The following HEBP2 variants were observed in gnomAD, a reference collection of about 807,000 sequenced individuals.
HEBP2 encodes the protein heme-binding protein 2.
Under a neutral mutation model 23.1 loss-of-function variants are expected in HEBP2, and 27 were observed. The observed-to-expected ratio is 1.17, with a 90% CI of 0.86 to 1.61. HEBP2 has a LOEUF of 1.61. Ranked by LOEUF, HEBP2 falls within the 40% of genes most tolerant of loss-of-function variation. The pLI is 0.00. For synonymous variants in HEBP2, 99 were observed against 95.1 expected (o/e 1.04, Z -0.24); for missense variants, 245 against 253.8 (o/e 0.97, Z 0.24).
At chr6:138,410,442 A>G (rs867242542) in intron 3 of HEBP2, among the ~76,000 whole-genome samples, 1 of 152,106 alleles carries the variant, frequency 6.6e-6, no homozygotes, top group East Asian at 1.9e-4. Context: ...TTCATCAAGG[A>G]AATAAATAAT....
In HEBP2 at chr6:138,404,339, T is replaced by A. The variant is rs1025482558; in HGVS notation, c.-157T>A. 2.6e-6 allele frequency: 1 copy of A among 391,920 alleles called. No homozygotes were observed. 24.3% of individuals were successfully genotyped at this position (391,920 alleles called of 1,614,324 possible). On this transcript the variant is annotated 5_prime_UTR_variant, in exon 1 of 4. Coordinates refer to ENST00000607197, the MANE Select transcript of HEBP2 (RefSeq NM_014320.3). ...CCCTCGCGGTCCAGAGGCAGACGCA[T>A]CGGGTGGGCTCGGGTCTCCAGCCCG...
At chr6:138,412,188 G>A (rs770835954) in intron 3 of HEBP2, 3 of 368,690 alleles carry the variant, frequency 8.1e-6, no homozygotes, top group South Asian at 6.1e-5. Context: ...CATGGATGTG[G>A]GAGCTCGGAG....
chr6:138,408,705 C>T (rs896570781), intron 3 of HEBP2, among the ~76,000 whole-genome samples: 1 of 150,702 alleles, frequency 6.6e-6, no homozygotes, highest in African/African-American at 2.5e-5. Context: ...CTTGTCATTT[C>T]TCCTGTCCCA....
rs1438975567 is a variant in HEBP2 at position 138,414,408 on chromosome 6, A to C, written c.*1330A>C. ...GCTGATTAGCATGATTTAGAAGCCTAGTTTGGAGGTGAGGTTACTGATGGG... is the reference window on the plus strand; with the variant it reads ...GCTGATTAGCATGATTTAGAAGCCTCGTTTGGAGGTGAGGTTACTGATGGG... On this transcript the variant is annotated 3_prime_UTR_variant, in exon 4 of 4. Transcript: ENST00000607197. The C allele has an allele frequency of 6.6e-6, 1 of 152,172 alleles. No homozygotes were observed. The highest frequency in any genetic ancestry group is 1.5e-5 in the Non-Finnish European group (1 of 68,038). The allele number at this position is 152,172 out of a possible 1,614,324, so 9.4% of individuals were successfully genotyped here.
At chr6:138,411,542 T>A (rs2114771721) in intron 3 of HEBP2, among the ~76,000 whole-genome samples, 1 of 152,270 alleles carries the variant, frequency 6.6e-6, no homozygotes, top group South Asian at 2.1e-4. Context: ...TTCCTATCAC[T>A]CCCCTTTCTT....
chr6:138,411,545 C>T (rs1278926221), intron 3 of HEBP2, among the ~76,000 whole-genome samples: 2 of 152,228 alleles, frequency 1.3e-5, no homozygotes, highest in African/African-American at 4.8e-5. Flanking sequence ...CTATCACTCC[C>T]CTTTCTTTGT....
chr6:138,403,756 T>A (rs1369998175), upstream of HEBP2: 11 of 404,036 alleles, frequency 2.7e-5, no homozygotes, highest in Non-Finnish European at 4.4e-5. Context: ...TCTCCCCGAG[T>A]CTCGTTAAGC....
intron 3 of HEBP2, 71 bp from the exon 4 acceptor site, chr6:138,412,809 G>A (rs542286583): frequency 1.1e-4 from 147 of 1,353,684 alleles, no homozygotes; most frequent in Middle Eastern, 7.5e-4. Flanking sequence ...ACTAGCGCCC[G>A]CTTTTTGCTT....
Position 138,405,157 on chromosome 6 carries a change from G to A in HEBP2, c.115G>A (p.Glu39Lys). Residue 39 changes from glutamate (E) to lysine (K), a missense_variant, in exon 2 of 4, where the codon GAG becomes AAG. Transcript: ENST00000607197. ...EDAGPQPGSYEIRHYGPAKWV... is the reference protein window; with the variant it reads ...EDAGPQPGSYKIRHYGPAKWV... ...TGTTCCACTTTAGCCCGGAAGTTAT[G>A]AGATCCGACACTATGGACCAGCCAA... The A allele has an allele frequency of 6.2e-7, 1 of 1,611,512 alleles. No individual in the cohort carries two copies. Among genetic ancestry groups the A allele is most frequent in the Non-Finnish European group, 8.5e-7 (1 of 1,179,312 alleles).
At position 138,404,435 on chromosome 6, in the gene HEBP2, G is replaced by T; in HGVS notation, c.-61G>T. The T allele has an allele frequency of 9.0e-7, 1 of 1,115,596 alleles. No individual in the cohort carries two copies. The highest frequency in any genetic ancestry group is 1.1e-6 in the Non-Finnish European group (1 of 887,774). The allele number at this position is 1,115,596 out of a possible 1,614,324, so 69.1% of individuals were successfully genotyped here. ...GGCGGGGCGCGCACACGCAGGCGGG[G>T]CGGCCCGGGGTGCGGGGCCTCTGCG... On this transcript the variant is annotated 5_prime_UTR_variant, in exon 1 of 4. Coordinates refer to ENST00000607197, the MANE Select transcript of HEBP2 (RefSeq NM_014320.3).
chr6:138,405,054 A>G (rs1774616779), intron 1 of HEBP2, 91 bp from the exon 2 acceptor site: 15 of 1,430,016 alleles, frequency 1.0e-5, no homozygotes, highest in East Asian at 2.3e-5. Flanking sequence ...GGACGGCTCC[A>G]GGTCGACCCG....
In HEBP2 at chr6:138,413,314, G is replaced by T; in HGVS notation, c.*236G>T. ...CATAACTATCGTGGTCTTTATTTCTGTGAGGATCTAGGGAAATTTCATGTC... is the reference window on the plus strand; with the variant it reads ...CATAACTATCGTGGTCTTTATTTCTTTGAGGATCTAGGGAAATTTCATGTC... On this transcript the variant is annotated 3_prime_UTR_variant, in exon 4 of 4. Transcript: ENST00000607197. 2.5e-6 allele frequency: 1 copy of T among 392,780 alleles called. No homozygotes were observed. The allele number at this position is 392,780 out of a possible 1,614,324, so 24.3% of individuals were successfully genotyped here.
rs1388735210 is a variant in HEBP2, at chr6:138,414,329, T to C, written c.*1251T>C. ...GGATTAACAGACTTTCAAAAGCATTTAGGAGTCGAGGGAGCTTTAGTTGTG... is the reference window on the plus strand; with the variant it reads ...GGATTAACAGACTTTCAAAAGCATTCAGGAGTCGAGGGAGCTTTAGTTGTG... On this transcript the variant is annotated 3_prime_UTR_variant, in exon 4 of 4. Transcript: ENST00000607197. The C allele has an allele frequency of 2.0e-5, 3 of 152,198 alleles. No homozygotes were observed. Among genetic ancestry groups the C allele is most frequent in the Non-Finnish European group, 4.4e-5 (3 of 68,038 alleles). 9.4% of individuals were successfully genotyped at this position (152,198 alleles called of 1,614,324 possible).
At position 138,404,566 on chromosome 6, in the gene HEBP2, G is replaced by T; in HGVS notation, c.71G>T (p.Gly24Val). Reference sequence around the variant, plus strand: ...GCGGCCCAAGCTGTGGAGACGCCGGGCTGGAAGGCCCCGGAGGACGCCGGC... The same window carrying T: ...GCGGCCCAAGCTGTGGAGACGCCGGTCTGGAAGGCCCCGGAGGACGCCGGC... Reference protein sequence around the residue: ...DAAAQAVETPGWKAPEDAGPQ... With the variant: ...DAAAQAVETPVWKAPEDAGPQ... The change falls in exon 1 of 4, where the codon GGC becomes GTC. Residue 24 changes from glycine (G) to valine (V), a missense_variant. By Grantham distance (109) the Gly-to-Val change is moderately radical (BLOSUM62 -3). Transcript: ENST00000607197. 2.3e-6 allele frequency: 3 copies of T among 1,308,032 alleles called. No homozygotes were observed. The highest frequency in any genetic ancestry group is 2.9e-6 in the Non-Finnish European group (3 of 1,028,126). 81.0% of individuals were successfully genotyped at this position (1,308,032 alleles called of 1,614,324 possible).
intron 3 of HEBP2, among the ~76,000 whole-genome samples, chr6:138,407,335 C>T (rs1774665508): frequency 6.6e-6 from 1 of 152,218 alleles, no homozygotes; most frequent in Non-Finnish European, 1.5e-5. Flanking sequence ...ATAAATACTG[C>T]ATTCCAAAGG....
intron 3 of HEBP2, among the ~76,000 whole-genome samples, chr6:138,409,360 A>G (rs1424503058): frequency 6.6e-6 from 1 of 151,818 alleles, no homozygotes; most frequent in Non-Finnish European, 1.5e-5. Flanking sequence ...CATCAGCACA[A>G]TGTTCCTGAC....
chr6:138,405,281 G>C lies in HEBP2; in HGVS notation c.238+1G>C. The C allele has an allele frequency of 6.2e-7, 1 of 1,614,090 alleles. No homozygotes were observed. Among genetic ancestry groups the C allele is most frequent in the South Asian group, 1.1e-5 (1 of 91,064 alleles). ...TACATTCAAGGCAAAAACGAGAAAG[G>C]TAAAAGCAGTTTTCCTTGTAATTAT... On this transcript the variant is annotated splice_donor_variant, in intron 2 of 3. Coordinates refer to ENST00000607197, the MANE Select transcript of HEBP2 (RefSeq NM_014320.3). LOFTEE classifies it high-confidence loss of function.
chr6:138,407,856 G>A (rs1313776190), intron 3 of HEBP2, among the ~76,000 whole-genome samples: 1 of 152,178 alleles, frequency 6.6e-6, no homozygotes, highest in Non-Finnish European at 1.5e-5. Context: ...TCACAGCCCA[G>A]GCCACACCTC....
At chr6:138,405,391 C>A in intron 2 of HEBP2, 111 bp downstream of exon 2, 1 of 1,349,222 alleles carries the variant, frequency 7.4e-7, no homozygotes, top group Non-Finnish European at 1.0e-6. Flanking sequence ...ATAAGCAAGT[C>A]ATCAAAGACT....
Sources: gnomAD v4.1 joint callset for allele counts (sites outside exome capture counted in the v4.1 genomes callset) on GRCh38, gnomAD v4.1.1 for gene constraint, MANE v1.5 for transcripts, NCBI Gene and HGNC (gene_info 2026-07-23, HGNC 2026-07-21) for gene names.